Variants in GPC5 observed in about 807,000 individuals in gnomAD.
GPC5 encodes glypican 5, also known as glypican-5.
GPC5 carries 47 observed loss-of-function variants against 53.9 expected under a neutral mutation model. The observed-to-expected ratio is 0.87, with a 90% CI of 0.69 to 1.11. The LOEUF (loss-of-function observed/expected upper bound fraction) is 1.11, where lower values mean the gene tolerates loss of function less well. Ranked by LOEUF, GPC5 falls within the 50% of genes most tolerant of loss-of-function variation. GPC5 has a pLI of 0.00. For missense variants in GPC5, 748 were observed against 713.1 expected (o/e 1.05, Z -0.56); for synonymous variants, 286 against 263.3 (o/e 1.09, Z -0.84).
intron 5 of GPC5, among the ~76,000 whole-genome samples, chr13:91,808,585 C>G (rs940306388): frequency 6.6e-5 from 10 of 152,168 alleles, no homozygotes; most frequent in African/African-American, 2.4e-4. Context: ...TTTACATCAA[C>G]TAACTCATGC....
At chr13:91,858,288 A>G (rs552561495) in intron 5 of GPC5, among the ~76,000 whole-genome samples, 1 of 151,984 alleles carries the variant, frequency 6.6e-6, no homozygotes, top group South Asian at 2.1e-4. Context: ...ATTTAGTATG[A>G]TACTAACTGA....
intron 7 of GPC5, among the ~76,000 whole-genome samples, chr13:92,273,537 C>CA (rs985126006): frequency 5.8e-4 from 86 of 149,034 alleles, no homozygotes; most frequent in African/African-American, 1.5e-3. Flanking sequence ...ATTAAAACAG[C>CA]AAAAAAAAAC....
intron 7 of GPC5, among the ~76,000 whole-genome samples, chr13:92,368,815 T>C (rs1325696940): frequency 4.6e-5 from 7 of 152,108 alleles, no homozygotes; most frequent in African/African-American, 1.7e-4. Flanking sequence ...GCCTGGTATA[T>C]GACTAATTAA....
chr13:91,894,666 T>C (rs1281665154), intron 5 of GPC5, among the ~76,000 whole-genome samples: 3 of 152,198 alleles, frequency 2.0e-5, no homozygotes, highest in Admixed American at 6.5e-5. Flanking sequence ...AATTAGTCAT[T>C]CTGCACCCAC....
intron 6 of GPC5, among the ~76,000 whole-genome samples, chr13:92,090,587 C>T (rs1385809819): frequency 6.6e-6 from 1 of 152,064 alleles, no homozygotes; most frequent in African/African-American, 2.4e-5. Flanking sequence ...GCTTAGAATC[C>T]ACCAATTTAT....
At chr13:92,192,052 T>G (rs181942243) in intron 7 of GPC5, among the ~76,000 whole-genome samples, 15 of 152,258 alleles carry the variant, frequency 9.9e-5, no homozygotes, top group Admixed American at 9.8e-4. Flanking sequence ...ATGGTGACAG[T>G]GAAAAAATTA....
intron 6 of GPC5, among the ~76,000 whole-genome samples, chr13:91,956,112 A>T (rs970422138): frequency 2.2e-4 from 33 of 152,070 alleles, no homozygotes; most frequent in African/African-American, 7.7e-4. Flanking sequence ...CACAGCCACC[A>T]CCTGTATGCA....
At chr13:91,820,116 G>C (rs185797883) in intron 5 of GPC5, among the ~76,000 whole-genome samples, 1 of 151,734 alleles carries the variant, frequency 6.6e-6, no homozygotes, top group Non-Finnish European at 1.5e-5. Flanking sequence ...GGTGGTGGTG[G>C]TATTTTTGTT....
chr13:92,610,970 T>A (rs1470071293), intron 7 of GPC5, among the ~76,000 whole-genome samples: 20 of 128,424 alleles, frequency 1.6e-4, no homozygotes, highest in East Asian at 5.3e-4. Context: ...CAATACATAT[T>A]TTTTTTTTTT....
intron 2 of GPC5, among the ~76,000 whole-genome samples, chr13:91,505,749 T>C (rs1884904461): frequency 6.6e-6 from 1 of 152,188 alleles, no homozygotes; most frequent in African/African-American, 2.4e-5. Flanking sequence ...TTTGTGGCAT[T>C]TTGGTAGGGG....
chr13:92,517,366 C>T (rs888630875), intron 7 of GPC5, among the ~76,000 whole-genome samples: 7 of 152,218 alleles, frequency 4.6e-5, no homozygotes, highest in African/African-American at 1.7e-4. Flanking sequence ...AGCTTGAGAT[C>T]TGAGAATGGA....
intron 7 of GPC5, among the ~76,000 whole-genome samples, chr13:92,497,259 A>G (rs1200206300): frequency 6.6e-6 from 1 of 152,098 alleles, no homozygotes; most frequent in African/African-American, 2.4e-5. Flanking sequence ...TAAGTCTTTA[A>G]TCAATCTTGA....
intron 7 of GPC5, among the ~76,000 whole-genome samples, chr13:92,195,366 C>T (rs939463363): frequency 6.6e-6 from 1 of 152,144 alleles, no homozygotes; most frequent in African/African-American, 2.4e-5. Flanking sequence ...CAAAGTGTGT[C>T]ATCTTTATTA....
intron 2 of GPC5, among the ~76,000 whole-genome samples, chr13:91,531,115 T>A (rs921234280): frequency 1.3e-5 from 2 of 152,188 alleles, no homozygotes; most frequent in Non-Finnish European, 2.9e-5. Context: ...AGCATAATAC[T>A]GAAAGAGTAG....
intron 7 of GPC5, among the ~76,000 whole-genome samples, chr13:92,753,644 T>C (rs1223091189): frequency 6.6e-6 from 1 of 152,098 alleles, no homozygotes; most frequent in Non-Finnish European, 1.5e-5. Context: ...AAGGAGCTGA[T>C]GGAGCTGAAA....
intron 6 of GPC5, among the ~76,000 whole-genome samples, chr13:91,918,667 A>G (rs936074025): frequency 2.6e-5 from 4 of 152,002 alleles, no homozygotes; most frequent in African/African-American, 9.7e-5. Flanking sequence ...TTTTCTTTTC[A>G]GAAACCAATA....
At chr13:92,632,812 G>C (rs1412489471) in intron 7 of GPC5, among the ~76,000 whole-genome samples, 1 of 152,094 alleles carries the variant, frequency 6.6e-6, no homozygotes, top group African/African-American at 2.4e-5. Flanking sequence ...GAAAGGCAAG[G>C]AGGAGCAAGT....
chr13:92,372,587 T>A (rs2043659837), intron 7 of GPC5, among the ~76,000 whole-genome samples: 1 of 152,170 alleles, frequency 6.6e-6, no homozygotes, highest in Non-Finnish European at 1.5e-5. Context: ...GGATTCCACT[T>A]CCCTTTACTG....
intron 6 of GPC5, among the ~76,000 whole-genome samples, chr13:92,051,357 A>G (rs979055951): frequency 3.3e-5 from 5 of 151,744 alleles, no homozygotes; most frequent in African/African-American, 1.2e-4. Context: ...GCACACCACC[A>G]CGCCCAGCTA....
Sources: allele counts gnomAD v4.1 joint callset (sites outside exome capture counted in the v4.1 genomes callset), GRCh38; gene constraint gnomAD v4.1.1; transcripts MANE v1.5; gene names NCBI Gene and HGNC (gene_info 2026-07-23, HGNC 2026-07-21).